The following LHFPL3 variants were observed in gnomAD, a reference collection of about 807,000 sequenced individuals.
LHFPL3 encodes the protein LHFPL tetraspan subfamily member 3.
LHFPL3 carries 5 observed loss-of-function variants against 19.3 expected under a neutral mutation model. The observed-to-expected ratio is 0.26, with a 90% CI of 0.14 to 0.54. The LOEUF is 0.54. Ranked by LOEUF, LHFPL3 falls within the 20% of genes least tolerant of loss-of-function variation. The pLI is 0.94. For missense variants in LHFPL3, 249 were observed against 307.4 expected (o/e 0.81, Z 1.42); for synonymous variants, 133 against 126.2 (o/e 1.05, Z -0.36).
At chr7:104,503,387 T>C (rs969155931) in intron 1 of LHFPL3, among the ~76,000 whole-genome samples, 1 of 149,656 alleles carries the variant, frequency 6.7e-6, no homozygotes, top group African/African-American at 2.4e-5. Context: ...TAAGTACTTT[T>C]TATATTTTTC....
intron 2 of LHFPL3, among the ~76,000 whole-genome samples, chr7:104,839,225 G>A (rs1471223947): frequency 6.6e-6 from 1 of 152,184 alleles, no homozygotes; most frequent in Non-Finnish European, 1.5e-5. Context: ...AAATTGGTAA[G>A]ATTGTAAAAC....
Position 104,517,763 on chromosome 7 carries a change from C to T in LHFPL3, c.445+188539C>T, listed in dbSNP as rs149435223. Among the ~76,000 whole-genome samples the T allele has an allele frequency of 2.9e-3, 444 of 152,244 alleles. 2 individuals are homozygous for T. Among genetic ancestry groups the T allele is most frequent in the African/African-American group, 0.01 (424 of 41,540 alleles). On this transcript the variant is annotated intron_variant, in intron 1 of 2. Coordinates refer to ENST00000424859, the MANE Select transcript of LHFPL3 (RefSeq NM_199000.3). Reference sequence around the variant, plus strand: ...CCTCAGGTGATCTACCCACCTTGGCCTCCCAAAGTGCTGGGATTACAGGCA... The same window carrying T: ...CCTCAGGTGATCTACCCACCTTGGCTTCCCAAAGTGCTGGGATTACAGGCA...
At chr7:104,504,870 A>G (rs563954457) in intron 1 of LHFPL3, among the ~76,000 whole-genome samples, 4 of 152,310 alleles carry the variant, frequency 2.6e-5, no homozygotes, top group South Asian at 2.1e-4. Context: ...TTTGTTCTTC[A>G]TAGACTTGTG....
At chr7:104,768,110 A>T (rs1029165483) in intron 2 of LHFPL3, among the ~76,000 whole-genome samples, 3 of 149,428 alleles carry the variant, frequency 2.0e-5, no homozygotes, top group Non-Finnish European at 4.4e-5. Flanking sequence ...ACTGAAGCAG[A>T]TACCCAAACA....
chr7:104,417,334 A>G (rs1440515032), intron 1 of LHFPL3, among the ~76,000 whole-genome samples: 4 of 152,170 alleles, frequency 2.6e-5, no homozygotes, highest in African/African-American at 7.2e-5. Context: ...ACAACTTCAC[A>G]GATAGATAGT....
chr7:104,549,463 A>T (rs1289718769), intron 1 of LHFPL3, among the ~76,000 whole-genome samples: 1 of 147,176 alleles, frequency 6.8e-6, no homozygotes, highest in Non-Finnish European at 1.5e-5. Context: ...ACACACACAC[A>T]CACACACACA....
At chr7:104,436,177 ATATAT>A (rs2116569861) in intron 1 of LHFPL3, among the ~76,000 whole-genome samples, 1 of 152,328 alleles carries the variant, frequency 6.6e-6, no homozygotes, top group Non-Finnish European at 1.5e-5. Flanking sequence ...GTTAAATATA[ATATAT>A]TGTTATATTA....
chr7:104,522,875 G>A (rs1037877598), intron 1 of LHFPL3, among the ~76,000 whole-genome samples: 1 of 152,116 alleles, frequency 6.6e-6, no homozygotes, highest in Non-Finnish European at 1.5e-5. Flanking sequence ...CATGCACAGA[G>A]TGTTCAGAGT....
chr7:104,512,469 G>T (rs1793837828), intron 1 of LHFPL3, among the ~76,000 whole-genome samples: 1 of 151,518 alleles, frequency 6.6e-6, no homozygotes, highest in Non-Finnish European at 1.5e-5. Context: ...GAGCGTGGTG[G>T]CTCATGCCTG....
At chr7:104,404,757 T>C (rs1479406511) in intron 1 of LHFPL3, among the ~76,000 whole-genome samples, 2 of 152,210 alleles carry the variant, frequency 1.3e-5, no homozygotes, top group African/African-American at 4.8e-5. Flanking sequence ...GGTACCTTTC[T>C]TGCTAATAAC....
At chr7:104,478,535 G>A (rs1793070190) in intron 1 of LHFPL3, among the ~76,000 whole-genome samples, 1 of 152,172 alleles carries the variant, frequency 6.6e-6, no homozygotes, top group Non-Finnish European at 1.5e-5. Flanking sequence ...AACAAGCAAA[G>A]CCTTGAGCTC....
chr7:104,600,306 T>G (rs1024048475), intron 1 of LHFPL3, among the ~76,000 whole-genome samples: 11 of 152,200 alleles, frequency 7.2e-5, no homozygotes, highest in African/African-American at 2.4e-4. Context: ...CATTCTACAT[T>G]TATTGAGATA....
chr7:104,637,175 A>G (rs961279590), intron 1 of LHFPL3, among the ~76,000 whole-genome samples: 1 of 152,070 alleles, frequency 6.6e-6, no homozygotes, highest in Non-Finnish European at 1.5e-5. Context: ...GACTGCACAT[A>G]TGTCTTCTTT....
At chr7:104,365,789 A>AAAAAAATAAATAAATAAATAAATAAAAT (rs1554381848) in intron 1 of LHFPL3, among the ~76,000 whole-genome samples, 1 of 135,710 alleles carries the variant, frequency 7.4e-6, no homozygotes, top group Non-Finnish European at 1.6e-5. Flanking sequence ...CTCCGTCTCA[A>AAAAAAATAAATAAATAAATAAATAAAAT]AAAAAAAAAA....
chr7:104,636,927 T>C (rs916064868), intron 1 of LHFPL3, among the ~76,000 whole-genome samples: 1 of 152,180 alleles, frequency 6.6e-6, no homozygotes, highest in Non-Finnish European at 1.5e-5. Context: ...GGTTGAATGG[T>C]AGTTCTGTTT....
At position 104,587,887 on chromosome 7, in the gene LHFPL3, T is replaced by G. The variant is rs370821126; in HGVS notation, c.446-148788T>G. ...GATGGCCAGTGATGATGAGCATTTT[T>G]TCACATGTCTTTCGGCTGCATAAAT... On this transcript the variant is annotated intron_variant, in intron 1 of 2. Transcript: ENST00000424859. Among the ~76,000 whole-genome samples, 134 of 152,364 alleles carry G rather than the reference T, an allele frequency of 8.8e-4. 2 individuals are homozygous for G. The South Asian group carries it at 0.025, about 29-fold the overall frequency.
intron 1 of LHFPL3, among the ~76,000 whole-genome samples, chr7:104,434,423 G>A (rs936570669): frequency 6.6e-5 from 10 of 152,208 alleles, no homozygotes; most frequent in Admixed American, 3.3e-4. Flanking sequence ...TTCTGGGGAT[G>A]ACATGCATCG....
chr7:104,391,206 ATTTTGGTTTTTGTTGCCATTGC>A (rs1489483143), intron 1 of LHFPL3, among the ~76,000 whole-genome samples: 3 of 151,964 alleles, frequency 2.0e-5, no homozygotes, highest in Admixed American at 6.6e-5. Context: ...CCATTTGTCA[ATTTTGGTTTTTGTTGCCATTGC>A]TTTTGGTGTT....
intron 1 of LHFPL3, among the ~76,000 whole-genome samples, chr7:104,608,260 C>T (rs1243511276): frequency 2.6e-4 from 40 of 151,876 alleles, no homozygotes; most frequent in Non-Finnish European, 4.3e-4. Flanking sequence ...TGTCCAACAA[C>T]GATAGACTGG....
Sources: allele counts gnomAD v4.1 joint callset (sites outside exome capture counted in the v4.1 genomes callset), GRCh38; gene constraint gnomAD v4.1.1; transcripts MANE v1.5; gene names NCBI Gene and HGNC (gene_info 2026-07-23, HGNC 2026-07-21).